Variants in OLFML1 observed in about 807,000 individuals in gnomAD.
OLFML1 encodes the protein olfactomedin-like protein 1.
Under a neutral mutation model 37.3 loss-of-function variants are expected in OLFML1, and 33 were observed. That is an observed-to-expected ratio of 0.88 (90% CI 0.67 to 1.18). The LOEUF (loss-of-function observed/expected upper bound fraction) is 1.18, where lower values mean the gene tolerates loss of function less well. Ranked by LOEUF, OLFML1 falls within the 50% of genes most tolerant of loss-of-function variation. The pLI is 0.00. For missense variants in OLFML1, 545 were observed against 483.7 expected (o/e 1.13, Z -1.19); for synonymous variants, 186 against 181.3 (o/e 1.03, Z -0.21).
chr11:7,510,160 A>G lies in OLFML1; in HGVS notation c.1181A>G (p.Gln394Arg), dbSNP rs775285636. The change falls in exon 3 of 3, where the codon CAG becomes CGG. Residue 394 changes from glutamine (Q) to arginine (R), a missense_variant. Transcript: ENST00000329293. ...NEGNQIIYKL[Q>R]TKRKLPLK ...GGAAACCAGATCATTTACAAACTCC[A>G]GACAAAGAGAAAGCTGCCTCTGAAG... The G allele has an allele frequency of 3.7e-6, 6 of 1,609,796 alleles. 1 individual carries two copies. In the South Asian group the frequency reaches 6.6e-5, roughly 18 times the overall value.
rs755544680 is a variant in OLFML1, at chr11:7,488,405, G to C, written c.408G>C (p.Leu136=). The C allele has an allele frequency of 3.1e-6, 5 of 1,611,888 alleles. No individual in the cohort carries two copies. In the African/African-American group the frequency reaches 5.3e-5, roughly 17 times the overall value. ...AAGAAGAGAAAAAGATCCGGACTCT[G>C]CTGAATGCAAGTAAGAAAACTGCAT... The part of the protein sequence containing the change: ...EAEEEKKIRT[L]LNASCDNMLM... Residue 136 remains leucine, a synonymous_variant, in exon 2 of 3, where the codon CTG becomes CTC. Coordinates refer to ENST00000329293, the MANE Select transcript of OLFML1 (RefSeq NM_198474.4).
At position 7,494,608 on chromosome 11, in the gene OLFML1, G is replaced by A. The variant is rs116966959; in HGVS notation, c.418+6193G>A. ...TCACCTCTCCCATTGTGCTGTCTGC[G>A]GAGCAGTGATAAGCATGGGAGTGTC... On this transcript the variant is annotated intron_variant, in intron 2 of 2. Coordinates refer to ENST00000329293, the MANE Select transcript of OLFML1 (RefSeq NM_198474.4). 3.7e-3 allele frequency among the ~76,000 whole-genome samples: 562 copies of A among 152,290 alleles called. 3 individuals are homozygous for A. Among genetic ancestry groups the A allele is most frequent in the Non-Finnish European group, 6.1e-3 (413 of 68,022 alleles).
At position 7,485,850 on chromosome 11, in the gene OLFML1, G is replaced by A; in HGVS notation, c.-26G>A. ...CCTTGAGAAGAGCCACAGCATAAGA[G>A]ACTGCCCTGCTTGGTGTTTTGCAGG... On this transcript the variant is annotated 5_prime_UTR_variant, in exon 1 of 3. Coordinates refer to ENST00000329293, the MANE Select transcript of OLFML1 (RefSeq NM_198474.4). The A allele has an allele frequency of 6.2e-7, 1 of 1,610,666 alleles. No individual in the cohort carries two copies. The highest frequency in any genetic ancestry group is 8.5e-7 in the Non-Finnish European group (1 of 1,178,772).
intron 2 of OLFML1, among the ~76,000 whole-genome samples, chr11:7,493,159 G>T (rs980261284): frequency 2.0e-5 from 3 of 152,044 alleles, no homozygotes; most frequent in Non-Finnish European, 4.4e-5. Context: ...TATTGCAAGG[G>T]TGCACAAAAA....
intron 2 of OLFML1, among the ~76,000 whole-genome samples, chr11:7,493,161 G>A (rs1287748756): frequency 3.9e-5 from 6 of 152,128 alleles, no homozygotes; most frequent in African/African-American, 1.4e-4. Flanking sequence ...TTGCAAGGGT[G>A]CACAAAAAGT....
At chr11:7,494,090 GT>G in intron 2 of OLFML1, among the ~76,000 whole-genome samples, 1 of 152,328 alleles carries the variant, frequency 6.6e-6, no homozygotes, top group East Asian at 1.9e-4. Context: ...CTCAAGCTGA[GT>G]TTTAATCATG....
rs1848829993 is a variant in OLFML1, at chr11:7,509,647, G to A, written c.668G>A (p.Gly223Asp). Residue 223 changes from glycine (G) to aspartate (D), a missense_variant, in exon 3 of 3, where the codon GGT (glycine) becomes GAT (aspartate). Physicochemically the swap from Gly to Asp is moderately conservative, Grantham distance 94. Coordinates refer to ENST00000329293, the MANE Select transcript of OLFML1 (RefSeq NM_198474.4). Reference sequence around the variant, plus strand: ...GGAACAGGCCAAGTGATCTACAAAGGTTTTCTATTTTTTCATAACCAAGCA... The same window carrying A: ...GGAACAGGCCAAGTGATCTACAAAGATTTTCTATTTTTTCATAACCAAGCA... ...WQGTGQVIYK[G>D]FLFFHNQATS... 4 of 1,614,194 alleles carry A rather than the reference G, an allele frequency of 2.5e-6. No homozygotes were observed. Among genetic ancestry groups the A allele is most frequent in the Non-Finnish European group, 3.4e-6 (4 of 1,180,036 alleles).
At chr11:7,501,226 G>A (rs1412147875) in intron 2 of OLFML1, among the ~76,000 whole-genome samples, 1 of 152,196 alleles carries the variant, frequency 6.6e-6, no homozygotes, top group Non-Finnish European at 1.5e-5. Context: ...GGGTGGCCCT[G>A]GCAAACAGGG....
In OLFML1 at chr11:7,509,421, A is replaced by C; in HGVS notation, c.442A>C (p.Ile148Leu). ...NASCDNMLMGIKSLKIVKKMM... is the reference protein window; with the variant it reads ...NASCDNMLMGLKSLKIVKKMM... Reference sequence around the variant, plus strand: ...AGGCTGTGACAACATGCTGATGGGCATAAAGTCTTTGAAAATAGTGAAGAA... The same window carrying C: ...AGGCTGTGACAACATGCTGATGGGCCTAAAGTCTTTGAAAATAGTGAAGAA... The change falls in exon 3 of 3, where the codon ATA becomes CTA. Residue 148 changes from isoleucine to leucine, a missense_variant. By Grantham distance (5) the Ile-to-Leu change is conservative. Transcript: ENST00000329293. 1 of 1,612,640 alleles carries C rather than the reference A, an allele frequency of 6.2e-7. No individual in the cohort carries two copies. Among genetic ancestry groups the C allele is most frequent in the Non-Finnish European group, 8.5e-7 (1 of 1,179,020 alleles).
intron 2 of OLFML1, among the ~76,000 whole-genome samples, chr11:7,492,139 A>G (rs757992699): frequency 2.6e-5 from 4 of 152,194 alleles, no homozygotes; most frequent in Non-Finnish European, 4.4e-5. Context: ...GGGATTGTTT[A>G]AGAAATCTGC....
rs1848793004 is a variant in OLFML1 at position 7,506,957 on chromosome 11, G to C, written c.419-2441G>C. ...CGATTTCAGATACGGAATAGTTGTG[G>C]GGAATGGGAGATTCAGAGTATAACC... On this transcript the variant is annotated intron_variant, in intron 2 of 2. Coordinates refer to ENST00000329293, the MANE Select transcript of OLFML1 (RefSeq NM_198474.4). Among the ~76,000 whole-genome samples, 5 of 152,116 alleles carry C rather than the reference G, an allele frequency of 3.3e-5. No individual in the cohort carries two copies. The South Asian group carries it at 1.0e-3, about 32-fold the overall frequency.
intron 2 of OLFML1, among the ~76,000 whole-genome samples, chr11:7,501,165 GA>G (rs1299491647): frequency 1.3e-5 from 2 of 152,196 alleles, no homozygotes; most frequent in Non-Finnish European, 2.9e-5. Flanking sequence ...CTTCACAAGA[GA>G]CAGGTTAGGC....
In OLFML1 at chr11:7,509,521, C is replaced by A. The variant is rs1239568569; in HGVS notation, c.542C>A (p.Ser181Tyr). The A allele has an allele frequency of 6.2e-7, 1 of 1,614,130 alleles. No individual in the cohort carries two copies. The highest frequency in any genetic ancestry group is 1.7e-5 in the Admixed American group (1 of 60,020). The change falls in exon 3 of 3, where the codon TCC becomes TAC. Residue 181 changes from serine to tyrosine, a missense_variant. Ser to Tyr is a moderately radical substitution (Grantham distance 144). Coordinates refer to ENST00000329293, the MANE Select transcript of OLFML1 (RefSeq NM_198474.4). ...CCAAAGGTGTACTTATTAATTGGAT[C>A]CAGAAACAACACTGTTTGGGAATTT... ...NSPKVYLLIG[S>Y]RNNTVWEFAN...
At chr11:7,489,757 TGA>T (rs1396835875) in intron 2 of OLFML1, among the ~76,000 whole-genome samples, 1 of 151,940 alleles carries the variant, frequency 6.6e-6, no homozygotes, top group Admixed American at 6.6e-5. Context: ...AAATGATGAG[TGA>T]GAGAGATGAG....
At position 7,509,825 on chromosome 11, in the gene OLFML1, CCACTCTGGGCCAGG is replaced by C; in HGVS notation, c.850_863del (p.Ser284ProfsTer2). ...TGGATGAGCATGGGCTCTGGGCCATCCACTCTGGGCCAGGCACCCATAGCCATTTGGTTCTCACA... is the reference window on the plus strand; with the variant it reads ...TGGATGAGCATGGGCTCTGGGCCATCCACCCATAGCCATTTGGTTCTCACA... On this transcript the variant is annotated frameshift_variant, in exon 3 of 3. Coordinates refer to ENST00000329293, the MANE Select transcript of OLFML1 (RefSeq NM_198474.4). LOFTEE classifies it high-confidence loss of function. The C allele has an allele frequency of 6.2e-7, 1 of 1,614,020 alleles. No homozygotes were observed. The highest frequency in any genetic ancestry group is 8.5e-7 in the Non-Finnish European group (1 of 1,179,854).
intron 2 of OLFML1, among the ~76,000 whole-genome samples, chr11:7,497,970 C>T (rs1428190072): frequency 1.3e-5 from 2 of 152,160 alleles, no homozygotes; most frequent in African/African-American, 4.8e-5. Flanking sequence ...CAAAATATCA[C>T]CTGCTAATCT....
At chr11:7,494,714 C>T (rs1848640243) in intron 2 of OLFML1, among the ~76,000 whole-genome samples, 1 of 152,198 alleles carries the variant, frequency 6.6e-6, no homozygotes, top group African/African-American at 2.4e-5. Flanking sequence ...ACAGAAGAGA[C>T]AGGCTGAACT....
In OLFML1 at chr11:7,497,731, G is replaced by C. The variant is rs189851354; in HGVS notation, c.418+9316G>C. On this transcript the variant is annotated intron_variant, in intron 2 of 2. Transcript: ENST00000329293. ...TTAGGGTTCAGGACAGGGTGCCATG[G>C]AATACTCTGAATTTAGTGCTGGAAA... Among the ~76,000 whole-genome samples, 10 of 152,290 alleles carry C rather than the reference G, an allele frequency of 6.6e-5. 1 individual carries two copies. In the East Asian group the frequency reaches 1.9e-3, roughly 29 times the overall value.
At chr11:7,498,304 T>A (rs1848685919) in intron 2 of OLFML1, among the ~76,000 whole-genome samples, 2 of 152,156 alleles carry the variant, frequency 1.3e-5, no homozygotes, top group Non-Finnish European at 2.9e-5. Flanking sequence ...AGCAGGTGTA[T>A]CCCGAGTTAG....
Sources: allele counts gnomAD v4.1 joint callset (sites outside exome capture counted in the v4.1 genomes callset), GRCh38; gene constraint gnomAD v4.1.1; transcripts MANE v1.5; gene names NCBI Gene and HGNC (gene_info 2026-07-23, HGNC 2026-07-21).